CELF2: variants seen among roughly 807,000 people sequenced by gnomAD.
CELF2 encodes CUG triplet repeat RNA-binding protein 2.
In CELF2, 8 loss-of-function variants were observed where a neutral mutation model predicts 62.6. That is an observed-to-expected ratio of 0.13 (90% confidence interval 0.07 to 0.23). CELF2 has a LOEUF of 0.23. Among genes scored for constraint, CELF2 ranks in the 10% least tolerant of loss-of-function variants. The probability of loss-of-function intolerance (pLI) is 1.00; values close to 1 mark genes in which losing one functional copy is unlikely to be tolerated. For missense variants in CELF2, 333 were observed against 671.0 expected (o/e 0.50, Z 5.56); for synonymous variants, 258 against 250.0 (o/e 1.03, Z -0.30).
the CELF2 span, among the ~76,000 whole-genome samples, chr10:10,650,487 G>C: frequency 6.6e-6 from 1 of 152,094 alleles, no homozygotes; most frequent in African/African-American, 2.4e-5. Flanking sequence ...ACATTTTAGA[G>C]AGACCTATGT....
rs2060814245 is a variant in CELF2 at position 11,207,839 on chromosome 10, C to T, written c.272-9586C>T. On this transcript the variant is annotated intron_variant, in intron 2 of 12. Transcript: ENST00000633077. The surrounding 1 kb of genome is among the most constrained non-coding windows in gnomAD (Gnocchi z 4.1). The stretch of plus-strand genomic sequence containing the variant: ...AAAAGTAGATTTCTACAGGATGAGG[C>T]GTTCGTATTTGGGTAGCTGCTACTC... Among the ~76,000 whole-genome samples the T allele has an allele frequency of 6.6e-6, 1 of 152,056 alleles. No individual in the cohort carries two copies. The highest frequency in any genetic ancestry group is 2.4e-5 in the African/African-American group (1 of 41,380).
chr10:10,785,135 AC>A, the CELF2 span, among the ~76,000 whole-genome samples: 4 of 152,232 alleles, frequency 2.6e-5, no homozygotes, highest in African/African-American at 9.6e-5. Context: ...AGTTTGAGTT[AC>A]AGCCAATCCT....
At chr10:11,164,177 G>T (rs556950724) in intron 1 of CELF2, among the ~76,000 whole-genome samples, 1 of 152,198 alleles carries the variant, frequency 6.6e-6, no homozygotes, top group Non-Finnish European at 1.5e-5. Flanking sequence ...TGGAGCAAGC[G>T]CGCAGTGCTG....
intron 2 of CELF2, among the ~76,000 whole-genome samples, chr10:10,940,027 G>A (rs926595031): frequency 8.5e-5 from 13 of 152,160 alleles, no homozygotes; most frequent in Admixed American, 3.3e-4. Flanking sequence ...AATGATTAGA[G>A]ATAGTTTTTG....
chr10:10,730,539 G>A, the CELF2 span, among the ~76,000 whole-genome samples: 1 of 152,168 alleles, frequency 6.6e-6, no homozygotes, highest in South Asian at 2.1e-4. Context: ...ATGTAGCACT[G>A]TAACTTCCAC....
chr10:11,028,324 G>A (rs888549410), intron 1 of CELF2, among the ~76,000 whole-genome samples: 3 of 152,092 alleles, frequency 2.0e-5, no homozygotes, highest in African/African-American at 7.2e-5. Context: ...AAGAGAATCA[G>A]CCACACGATA....
chr10:10,516,924 G>A, the CELF2 span, among the ~76,000 whole-genome samples: 10 of 152,088 alleles, frequency 6.6e-5, no homozygotes, highest in East Asian at 1.8e-3. Flanking sequence ...TTAGAGGGCG[G>A]CACCCACCTC....
chr10:10,652,865 C>A, the CELF2 span, among the ~76,000 whole-genome samples: 7 of 151,822 alleles, frequency 4.6e-5, no homozygotes, highest in African/African-American at 1.7e-4. Context: ...CAAATTCACA[C>A]ATAACAATAT....
chr10:10,719,104 G>A, the CELF2 span, among the ~76,000 whole-genome samples: 2 of 150,780 alleles, frequency 1.3e-5, no homozygotes, highest in Non-Finnish European at 2.9e-5. Flanking sequence ...TGGGACTACA[G>A]GCATGTACCA....
the CELF2 span, among the ~76,000 whole-genome samples, chr10:10,732,668 C>T: frequency 2.0e-5 from 3 of 152,044 alleles, no homozygotes; most frequent in East Asian, 1.9e-4. Flanking sequence ...GGATTACAGG[C>T]ACCCACCACC....
intron 3 of CELF2, among the ~76,000 whole-genome samples, chr10:11,230,188 G>A (rs879439398): frequency 2.0e-5 from 3 of 152,144 alleles, no homozygotes; most frequent in Admixed American, 6.5e-5. Flanking sequence ...GGTCTTACAC[G>A]TTCACACAGA....
chr10:11,136,716 C>T (rs754761024), intron 1 of CELF2, among the ~76,000 whole-genome samples: 1 of 152,206 alleles, frequency 6.6e-6, no homozygotes, highest in Non-Finnish European at 1.5e-5. Flanking sequence ...AACAGTGTTC[C>T]GGCTGTCACT....
the CELF2 span, among the ~76,000 whole-genome samples, chr10:10,481,375 A>G: frequency 3.9e-5 from 6 of 152,210 alleles, no homozygotes; most frequent in African/African-American, 1.2e-4. Context: ...ATGTTGGTCC[A>G]TAATAAATAT....
At chr10:10,563,775 T>A in the CELF2 span, among the ~76,000 whole-genome samples, 2 of 152,124 alleles carry the variant, frequency 1.3e-5, no homozygotes, top group African/African-American at 2.4e-5. Context: ...GTGTATTCTG[T>A]GGACCTGCAG....
At chr10:11,038,371 A>G (rs1305403452) in intron 1 of CELF2, among the ~76,000 whole-genome samples, 1 of 152,228 alleles carries the variant, frequency 6.6e-6, no homozygotes. Flanking sequence ...GCGCTGCATT[A>G]TATCACCAAG....
the CELF2 span, among the ~76,000 whole-genome samples, chr10:10,569,657 A>G: frequency 6.6e-6 from 1 of 152,204 alleles, no homozygotes; most frequent in East Asian, 1.9e-4. Context: ...AGAGAGAGGA[A>G]TTCAATGCAA....
chr10:10,545,909 T>G, the CELF2 span, among the ~76,000 whole-genome samples: 2 of 152,202 alleles, frequency 1.3e-5, no homozygotes, highest in African/African-American at 4.8e-5. Flanking sequence ...AGGCCACGTC[T>G]ATGCTTAAAA....
the CELF2 span, among the ~76,000 whole-genome samples, chr10:10,660,402 AC>A: frequency 6.6e-6 from 1 of 152,160 alleles, no homozygotes; most frequent in Non-Finnish European, 1.5e-5. Context: ...TAGAGTGTTC[AC>A]CTTTCAGCAA....
At chr10:11,172,386 C>T (rs1463217576) in intron 2 of CELF2, among the ~76,000 whole-genome samples, 4 of 152,192 alleles carry the variant, frequency 2.6e-5, no homozygotes, top group African/African-American at 9.7e-5. Context: ...CTACATCATA[C>T]AGCTATATTA....
Sources: allele counts gnomAD v4.1 joint callset (sites outside exome capture counted in the v4.1 genomes callset), GRCh38; gene constraint gnomAD v4.1.1; non-coding constraint Gnocchi (gnomAD v3.1); transcripts MANE v1.5; gene names NCBI Gene and HGNC (gene_info 2026-07-23, HGNC 2026-07-21).